The following SLIT3 variants were observed in gnomAD, a reference collection of about 807,000 sequenced individuals.
SLIT3 encodes the protein slit homolog 3 protein.
In SLIT3, 68 loss-of-function variants were observed where a neutral mutation model predicts 184.0. The ratio of observed to expected loss-of-function variants is 0.37; its 90% CI spans 0.30 to 0.45. SLIT3 has a LOEUF of 0.45. Ranked by LOEUF, SLIT3 falls within the 20% of genes least tolerant of loss-of-function variation. The probability of loss-of-function intolerance (pLI) is 1.00; values close to 1 mark genes in which losing one functional copy is unlikely to be tolerated. For missense variants in SLIT3, 1,707 were observed against 2,026.0 expected (o/e 0.84, Z 3.02); for synonymous variants, 831 against 828.6 (o/e 1.00, Z -0.05).
chr5:169,033,796 T>C (rs1757130443), intron 4 of SLIT3, among the ~76,000 whole-genome samples: 1 of 151,688 alleles, frequency 6.6e-6, no homozygotes, highest in South Asian at 2.1e-4. Context: ...ATGTGGTTTT[T>C]CCACTATTGT....
chr5:169,170,579 C>A (rs988930938), intron 4 of SLIT3, among the ~76,000 whole-genome samples: 1 of 152,176 alleles, frequency 6.6e-6, no homozygotes, highest in East Asian at 1.9e-4. Context: ...AAGCTGGAGA[C>A]AACACGCCCC....
chr5:169,179,280 T>TC (rs1047378852), intron 4 of SLIT3, among the ~76,000 whole-genome samples: 14 of 132,774 alleles, frequency 1.1e-4, no homozygotes, highest in African/African-American at 2.4e-4. Context: ...CTTTTTCTTT[T>TC]TTTTTTTTTT....
In SLIT3 at chr5:168,920,361, G is replaced by C. The variant is rs530009071; in HGVS notation, c.414-37025C>G. ...GGCCCCTTATCTACAGACTTCACCGGGTGGCTAACTCCCTTCTCCAGGATG... is the reference window on the plus strand; with the variant it reads ...GGCCCCTTATCTACAGACTTCACCGCGTGGCTAACTCCCTTCTCCAGGATG... On this transcript the variant is annotated intron_variant, in intron 4 of 35. Transcript: ENST00000519560. Among the ~76,000 whole-genome samples, 3 of 152,148 alleles carry C rather than the reference G, an allele frequency of 2.0e-5. No individual in the cohort carries two copies. In the East Asian group the frequency reaches 5.8e-4, roughly 29 times the overall value.
At chr5:168,849,596 G>A (rs10062006) in intron 5 of SLIT3, among the ~76,000 whole-genome samples, 2,218 of 152,256 alleles carry the variant, frequency 0.015, 58 homozygotes, top group African/African-American at 0.051. Flanking sequence ...TGTTCACACT[G>A]TCTTAGGTAC....
At chr5:169,114,204 T>C (rs941984210) in intron 4 of SLIT3, among the ~76,000 whole-genome samples, 10 of 152,178 alleles carry the variant, frequency 6.6e-5, no homozygotes, top group Non-Finnish European at 1.5e-4. Context: ...CCTTTATGCC[T>C]TCTCTTTTTC....
At chr5:168,896,855 G>A (rs1760681415) in intron 4 of SLIT3, among the ~76,000 whole-genome samples, 1 of 152,216 alleles carries the variant, frequency 6.6e-6, no homozygotes, top group Admixed American at 6.5e-5. Context: ...TGGGCCAAGA[G>A]CAGAATGTTG....
intron 4 of SLIT3, among the ~76,000 whole-genome samples, chr5:169,084,756 G>A (rs916519204): frequency 1.3e-5 from 2 of 152,200 alleles, no homozygotes; most frequent in African/African-American, 4.8e-5. Flanking sequence ...CCTCTTTCAG[G>A]GGCCAGGGCC....
chr5:169,270,557 C>T (rs147387301), intron 1 of SLIT3, among the ~76,000 whole-genome samples: 10 of 152,254 alleles, frequency 6.6e-5, no homozygotes, highest in African/African-American at 1.2e-4. Flanking sequence ...TGCCTTCACG[C>T]GACAGGGGCA....
rs1352465651 is a variant in SLIT3 at position 168,773,690 on chromosome 5, G to A, written c.1295+545C>T. On this transcript the variant is annotated intron_variant, in intron 13 of 35. Coordinates refer to ENST00000519560, the MANE Select transcript of SLIT3 (RefSeq NM_003062.4). ...GTACTTGGAGGTCATCTATTTAAGT[G>A]AAATATTTATGAATACCTGTAGTGC... Among the ~76,000 whole-genome samples the A allele has an allele frequency of 2.6e-5, 4 of 152,116 alleles. No homozygotes were observed. The East Asian group carries it at 7.7e-4, about 29-fold the overall frequency.
intron 4 of SLIT3, among the ~76,000 whole-genome samples, chr5:169,175,000 A>G (rs1024170057): frequency 2.0e-5 from 3 of 152,192 alleles, no homozygotes; most frequent in African/African-American, 7.2e-5. Context: ...CCATAAATGT[A>G]TGTTCATTTT....
chr5:168,812,209 C>T (rs531377898), intron 8 of SLIT3, among the ~76,000 whole-genome samples: 4 of 152,148 alleles, frequency 2.6e-5, no homozygotes, highest in East Asian at 1.9e-4. Flanking sequence ...GGAGGGTATT[C>T]GGGAGGAGGA....
intron 16 of SLIT3, among the ~76,000 whole-genome samples, chr5:168,755,089 A>G (rs1754846299): frequency 6.6e-6 from 1 of 152,222 alleles, no homozygotes; most frequent in Non-Finnish European, 1.5e-5. Context: ...TCTGACCAAC[A>G]CAACCACATC....
chr5:168,710,170 C>A (rs1176379896), intron 25 of SLIT3: 1 of 152,110 alleles, frequency 6.6e-6, no homozygotes, highest in African/African-American at 2.4e-5. Flanking sequence ...AAAGACTGCG[C>A]ATTCTGGAAT....
intron 4 of SLIT3, among the ~76,000 whole-genome samples, chr5:168,928,848 G>T (rs1761906881): frequency 6.6e-6 from 1 of 152,146 alleles, no homozygotes; most frequent in Admixed American, 6.6e-5. Flanking sequence ...GAATTTTATG[G>T]ATAGAGAAAG....
At chr5:169,015,889 C>A (rs1756342934) in intron 4 of SLIT3, among the ~76,000 whole-genome samples, 1 of 151,042 alleles carries the variant, frequency 6.6e-6, no homozygotes. Flanking sequence ...CACTGCACTC[C>A]AGCCTGGCTG....
chr5:168,806,406 CCGGCGA>C (rs763380517), intron 9 of SLIT3, 34 bp downstream of exon 9: 1 of 1,611,844 alleles, frequency 6.2e-7, no homozygotes, highest in Non-Finnish European at 8.5e-7. Flanking sequence ...GCTGAATTCT[CCGGCGA>C]CAGTTGTTGG....
At chr5:168,952,236 G>A (rs190075821) in intron 4 of SLIT3, among the ~76,000 whole-genome samples, 156 of 152,272 alleles carry the variant, frequency 1.0e-3, no homozygotes, top group African/African-American at 1.7e-3. Flanking sequence ...TTCTGAAAAC[G>A]CAAAATAGGA....
intron 4 of SLIT3, among the ~76,000 whole-genome samples, chr5:169,132,118 C>T (rs1163304073): frequency 2.0e-5 from 3 of 152,086 alleles, no homozygotes; most frequent in African/African-American, 7.2e-5. Flanking sequence ...TTTGAAGTAC[C>T]CCACATGTCC....
At chr5:169,217,031 G>A (rs1434267819) in intron 3 of SLIT3, among the ~76,000 whole-genome samples, 3 of 151,302 alleles carry the variant, frequency 2.0e-5, no homozygotes, top group East Asian at 1.9e-4. Context: ...GAGACCTCAG[G>A]TTCAATCCAC....
Sources: allele counts gnomAD v4.1 joint callset (sites outside exome capture counted in the v4.1 genomes callset), GRCh38; gene constraint gnomAD v4.1.1; transcripts MANE v1.5; gene names NCBI Gene and HGNC (gene_info 2026-07-23, HGNC 2026-07-21).